Variants in ARHGEF7 observed in about 807,000 individuals in gnomAD.
The protein encoded by ARHGEF7 is PAK-interacting exchange factor beta.
In ARHGEF7, 33 loss-of-function variants were observed where a neutral mutation model predicts 109.8. The observed-to-expected ratio is 0.30, with a 90% confidence interval of 0.23 to 0.40. The LOEUF is 0.40. Ranked by LOEUF, ARHGEF7 falls within the 10% of genes least tolerant of loss-of-function variation. The probability of loss-of-function intolerance (pLI) is 1.00; values close to 1 mark genes in which losing one functional copy is unlikely to be tolerated. For missense variants in ARHGEF7, 938 were observed against 1,098.5 expected, an observed-to-expected ratio of 0.85 and a Z score of 2.07; for synonymous variants, 458 against 424.6, an observed-to-expected ratio of 1.08 and a Z score of -0.97.
intron 2 of ARHGEF7, among the ~76,000 whole-genome samples, chr13:111,194,697 G>T (rs2080288014): frequency 6.6e-6 from 1 of 152,246 alleles, no homozygotes; most frequent in African/African-American, 2.4e-5. Flanking sequence ...AAGGACCAGA[G>T]TGCCTGGACT....
intron 5 of ARHGEF7, among the ~76,000 whole-genome samples, chr13:111,223,333 T>A (rs896776442): frequency 6.6e-6 from 1 of 152,234 alleles, no homozygotes; most frequent in Non-Finnish European, 1.5e-5. Context: ...ACTTAGAGAC[T>A]TCTCTGACCA....
chr13:111,179,677 T>C (rs2078549835), intron 2 of ARHGEF7, among the ~76,000 whole-genome samples: 1 of 152,198 alleles, frequency 6.6e-6, no homozygotes, highest in African/African-American at 2.4e-5. Flanking sequence ...GCATTACATC[T>C]GGTTTGTCTC....
chr13:111,215,354 T>C (rs536497193), intron 4 of ARHGEF7, among the ~76,000 whole-genome samples: 1 of 144,178 alleles, frequency 6.9e-6, no homozygotes, highest in South Asian at 2.5e-4. Context: ...TGCCTGTGTG[T>C]CTCTAAATAA....
At chr13:111,182,009 T>G (rs1209481372) in intron 2 of ARHGEF7, 1 of 152,320 alleles carries the variant, frequency 6.6e-6, no homozygotes, top group Non-Finnish European at 1.5e-5. Context: ...TGCAGCATTG[T>G]GCATCTTGAC....
Position 111,266,981 on chromosome 13 carries a change from G to A in ARHGEF7, c.951-567G>A. On this transcript the variant is annotated intron_variant, in intron 8 of 21. Transcript: ENST00000646102. This position sits in a 1 kb window ranked among gnomAD's most constrained non-coding sequence, Gnocchi z 4.8. ...CTTGTGCCGACTTGTCACCCCTCAT[G>A]CAGCTTCCAGTGCTGGTTCTGGTAG... The A allele has an allele frequency of 4.5e-6, 2 of 449,398 alleles. No homozygotes were observed. Among genetic ancestry groups the A allele is most frequent in the Non-Finnish European group, 4.5e-6 (1 of 221,554 alleles). The allele number at this position is 449,398 out of a possible 1,614,324, so 27.8% of individuals were successfully genotyped here.
At chr13:111,157,472 G>T (rs1032708417) in intron 2 of ARHGEF7, among the ~76,000 whole-genome samples, 1 of 151,784 alleles carries the variant, frequency 6.6e-6, no homozygotes, top group African/African-American at 2.4e-5. Context: ...CTTAGGTCAG[G>T]AGTTTGAGAC....
intron 2 of ARHGEF7, among the ~76,000 whole-genome samples, chr13:111,195,904 G>A (rs942482828): frequency 6.6e-6 from 1 of 152,098 alleles, no homozygotes; most frequent in African/African-American, 2.4e-5. Context: ...TTTTCCTTTT[G>A]GGCCTATTCC....
intron 2 of ARHGEF7, among the ~76,000 whole-genome samples, chr13:111,200,925 A>G (rs942440770): frequency 6.6e-6 from 1 of 152,192 alleles, no homozygotes; most frequent in Admixed American, 6.5e-5. Context: ...CAGTGAAGAC[A>G]TGGTAAAGAC....
intron 2 of ARHGEF7, among the ~76,000 whole-genome samples, chr13:111,167,379 G>A (rs1192970063): frequency 1.3e-5 from 2 of 152,104 alleles, no homozygotes; most frequent in African/African-American, 4.8e-5. Flanking sequence ...CAGTCCTCCC[G>A]CACTCTCCTT....
chr13:111,120,472 TAC>T (rs35570792), intron 1 of ARHGEF7, among the ~76,000 whole-genome samples: 17,846 of 150,676 alleles, frequency 0.12, 1,097 homozygotes, highest in African/African-American at 0.14. Flanking sequence ...TGCATGTAAA[TAC>T]ACACACACAC....
chr13:111,243,162 C>T (rs1453851286), intron 6 of ARHGEF7, among the ~76,000 whole-genome samples: 3 of 152,088 alleles, frequency 2.0e-5, no homozygotes, highest in Non-Finnish European at 4.4e-5. Context: ...CTGTCATATT[C>T]ACTAGGGAAA....
At chr13:111,282,247 C>A (rs906965744) in intron 15 of ARHGEF7, among the ~76,000 whole-genome samples, 1 of 152,172 alleles carries the variant, frequency 6.6e-6, no homozygotes, top group Non-Finnish European at 1.5e-5. Context: ...AGAATGCCGG[C>A]CCCACTCCGT....
intron 2 of ARHGEF7, among the ~76,000 whole-genome samples, chr13:111,193,209 G>A (rs2080106518): frequency 6.6e-6 from 1 of 152,196 alleles, no homozygotes; most frequent in African/African-American, 2.4e-5. Flanking sequence ...CCACCCCGAG[G>A]GGAGACAACT....
At chr13:111,221,662 G>A (rs1372334624) in intron 5 of ARHGEF7, among the ~76,000 whole-genome samples, 3 of 137,134 alleles carry the variant, frequency 2.2e-5, no homozygotes, top group Non-Finnish European at 4.6e-5. Flanking sequence ...TATATAACAT[G>A]TATATATAAT....
chr13:111,279,155 C>T (rs934744541), intron 13 of ARHGEF7, among the ~76,000 whole-genome samples: 1 of 152,210 alleles, frequency 6.6e-6, no homozygotes, highest in African/African-American at 2.4e-5. Flanking sequence ...TGTTAAAGTA[C>T]TTATATGCAT....
chr13:111,179,601 T>C (rs879750918), intron 2 of ARHGEF7, among the ~76,000 whole-genome samples: 5 of 152,244 alleles, frequency 3.3e-5, no homozygotes, highest in Non-Finnish European at 7.3e-5. Context: ...CAGATATCTC[T>C]GGTGGTCTCA....
intron 10 of ARHGEF7, 142 bp downstream of exon 10, chr13:111,274,094 A>G (rs1567038905): frequency 1.9e-6 from 2 of 1,068,266 alleles, no homozygotes; most frequent in East Asian, 5.3e-5. Flanking sequence ...GTTAAATATT[A>G]TGTTTTTCTC....
At chr13:111,199,207 G>A (rs574446895) in intron 2 of ARHGEF7, among the ~76,000 whole-genome samples, 3 of 152,298 alleles carry the variant, frequency 2.0e-5, no homozygotes, top group South Asian at 2.1e-4. Context: ...ACTCCTCCTC[G>A]AAGGGCAGGG....
chr13:111,289,597 T>G (rs997826697), intron 18 of ARHGEF7, among the ~76,000 whole-genome samples: 4 of 152,092 alleles, frequency 2.6e-5, no homozygotes, highest in African/African-American at 9.6e-5. Flanking sequence ...GACTGTCACT[T>G]AATCTCACTT....
Sources: gnomAD v4.1 joint callset for allele counts (sites outside exome capture counted in the v4.1 genomes callset) on GRCh38, gnomAD v4.1.1 for gene constraint, Gnocchi (gnomAD v3.1) non-coding constraint, MANE v1.5 for transcripts, NCBI Gene and HGNC (gene_info 2026-07-23, HGNC 2026-07-21) for gene names.